Variants in UNC45B observed in about 807,000 individuals in gnomAD.
UNC45B encodes unc-45 myosin chaperone B.
Under a neutral mutation model 98.7 loss-of-function variants are expected in UNC45B, and 78 were observed. The observed-to-expected ratio is 0.79, with a 90% CI of 0.66 to 0.95. The LOEUF is 0.95. Ranked by LOEUF, UNC45B falls within the 40% of genes least tolerant of loss-of-function variation. The pLI is 0.00. For missense variants in UNC45B, 1,225 were observed against 1,184.9 expected, an observed-to-expected ratio of 1.03 and a Z score of -0.50; for synonymous variants, 462 against 480.4, an observed-to-expected ratio of 0.96 and a Z score of 0.50.
Position 35,177,485 on chromosome 17 carries a change from TC to T in UNC45B, c.2140-6del, listed in dbSNP as rs1279074498. On this transcript the variant is annotated splice_polypyrimidine_tract_variant and intron_variant, in intron 16 of 19. Coordinates refer to ENST00000394570, the MANE Select transcript of UNC45B (RefSeq NM_001267052.2). Reference sequence around the variant, plus strand: ...CTCACCTGACCAAACCCTTGACCCCTCCCCAACAGGTGTATGAGGTGGTGCG... The same window carrying T: ...CTCACCTGACCAAACCCTTGACCCCTCCCAACAGGTGTATGAGGTGGTGCG... The T allele has an allele frequency of 6.4e-7, 1 of 1,552,694 alleles. No homozygotes were observed. The highest frequency in any genetic ancestry group is 8.7e-7 in the Non-Finnish European group (1 of 1,146,816).
At position 35,170,116 on chromosome 17, in the gene UNC45B, G is replaced by A. The variant is rs1199023259; in HGVS notation, c.1550G>A (p.Trp517Ter). The change falls in exon 12 of 20, where the codon TGG becomes TAG. Residue 517 changes from tryptophan to a stop codon, truncating the protein, a stop_gained and splice_region_variant. Coordinates refer to ENST00000394570, the MANE Select transcript of UNC45B (RefSeq NM_001267052.2). LOFTEE classifies it high-confidence loss of function. ...TEKLAKQCRK[W>*]LCNMSIDTRT... Reference sequence around the variant, plus strand: ...GTGTGCTCCCTCCTCACTTCCAGGTGGCTGTGCAATATGTCCATAGACACT... The same window carrying A: ...GTGTGCTCCCTCCTCACTTCCAGGTAGCTGTGCAATATGTCCATAGACACT... The A allele has an allele frequency of 6.2e-7, 1 of 1,608,460 alleles. No individual in the cohort carries two copies. The highest frequency in any genetic ancestry group is 8.5e-7 in the Non-Finnish European group (1 of 1,175,896).
rs2142522392 is a variant in UNC45B, at chr17:35,148,343, A to G, written c.80A>G (p.Asn27Ser). 1.2e-6 allele frequency: 2 copies of G among 1,614,118 alleles called. No individual in the cohort carries two copies. Among genetic ancestry groups the G allele is most frequent in the South Asian group, 2.2e-5 (2 of 91,088 alleles). ...CTCCAGGACTACAAGGCCGCCACAAATAGCTACAGCCAGGCCCTGAAGCTG... is the reference window on the plus strand; with the variant it reads ...CTCCAGGACTACAAGGCCGCCACAAGTAGCTACAGCCAGGCCCTGAAGCTG... ...FQLQDYKAAT[N>S]SYSQALKLTK... Residue 27 changes from asparagine to serine, a missense_variant, in exon 2 of 20, where the codon AAT (asparagine) becomes AGT (serine). Physicochemically the swap from Asn to Ser is conservative, Grantham distance 46 (BLOSUM62 1). Coordinates refer to ENST00000394570, the MANE Select transcript of UNC45B (RefSeq NM_001267052.2).
chr17:35,154,677 AG>A lies in UNC45B; in HGVS notation c.576del (p.Lys192AsnfsTer25). ...ALLLQLLDTK[K>X]PELVLAAVRT... The stretch of plus-strand genomic sequence containing the variant: ...CTACTGCAGCTTCTGGACACTAAGA[AG>A]CCTGAGCTGGTGCTGGCTGCAGTGC... On this transcript the variant is annotated frameshift_variant, in exon 6 of 20. Coordinates refer to ENST00000394570, the MANE Select transcript of UNC45B (RefSeq NM_001267052.2). LOFTEE classifies it high-confidence loss of function. 13 of 1,612,506 alleles carry A rather than the reference AG, an allele frequency of 8.1e-6. No individual in the cohort carries two copies. Among genetic ancestry groups the A allele is most frequent in the Non-Finnish European group, 1.1e-5 (13 of 1,179,648 alleles).
At chr17:35,155,063 C>T (rs546551180) in intron 6 of UNC45B, among the ~76,000 whole-genome samples, 1 of 152,356 alleles carries the variant, frequency 6.6e-6, no homozygotes, top group South Asian at 2.1e-4. Flanking sequence ...CTCAACGGCC[C>T]CATGTGGCCG....
chr17:35,152,981 A>G lies in UNC45B; in HGVS notation c.470A>G (p.Lys157Arg). The stretch of plus-strand genomic sequence containing the variant: ...AACAGTGAGGCTGATAAGCGGGAAA[A>G]GGTGAGTGCTGGCCAGTGCCATCCA... The part of the protein sequence containing the change: ...DENSEADKRE[K>R]AANNLIVLGR... The change falls in exon 5 of 20, where the codon AAG becomes AGG. Residue 157 changes from lysine to arginine, a missense_variant and splice_region_variant. Transcript: ENST00000394570. 1 of 1,611,702 alleles carries G rather than the reference A, an allele frequency of 6.2e-7. No homozygotes were observed. Among genetic ancestry groups the G allele is most frequent in the Non-Finnish European group, 8.5e-7 (1 of 1,178,898 alleles).
Position 35,177,047 on chromosome 17 carries a change from G to T in UNC45B, c.2056G>T (p.Asp686Tyr), listed in dbSNP as rs2092239125. The change falls in exon 16 of 20, where the codon GAT (aspartate) becomes TAT (tyrosine). Residue 686 changes from aspartate (D) to tyrosine (Y), a missense_variant. Coordinates refer to ENST00000394570, the MANE Select transcript of UNC45B (RefSeq NM_001267052.2). ...GATTCCCCTGGCTTTGGAGGGCACA[G>T]ATGTGGGCAAGGTGAAGGCAGCCCA... ...ALIPLALEGT[D>Y]VGKVKAAHAL... 6.2e-7 allele frequency: 1 copy of T among 1,614,096 alleles called. No homozygotes were observed. Among genetic ancestry groups the T allele is most frequent in the African/African-American group, 1.3e-5 (1 of 74,930 alleles).
rs545980321 is a variant in UNC45B at position 35,182,494 on chromosome 17, G to A, written c.2374-933G>A. On this transcript the variant is annotated intron_variant, in intron 18 of 19. Coordinates refer to ENST00000394570, the MANE Select transcript of UNC45B (RefSeq NM_001267052.2). ...AGTGGATTCCATTCTGATGGTGAAT[G>A]GGGAGACAGACTGAGGGAGAGGTGC... Among the ~76,000 whole-genome samples the A allele has an allele frequency of 5.3e-5, 8 of 152,260 alleles. No individual in the cohort carries two copies. In the East Asian group the frequency reaches 1.5e-3, roughly 29 times the overall value.
At chr17:35,177,824 C>CCTTTT (rs886653781) in intron 17 of UNC45B, among the ~76,000 whole-genome samples, 1 of 150,696 alleles carries the variant, frequency 6.6e-6, no homozygotes, top group Non-Finnish European at 1.5e-5. Flanking sequence ...TTTTTTCTTT[C>CCTTTT]CTTTTCTTTT....
At chr17:35,149,090 G>A in intron 3 of UNC45B, 81 bp downstream of exon 3, 1 of 1,535,590 alleles carries the variant, frequency 6.5e-7, no homozygotes, top group Admixed American at 1.7e-5. Flanking sequence ...ACCATTTTGG[G>A]GGAAGAAACA....
chr17:35,171,481 C>A lies in UNC45B; in HGVS notation c.1830+19C>A, dbSNP rs747117947. The A allele has an allele frequency of 1.2e-6, 2 of 1,612,530 alleles. No homozygotes were observed. The highest frequency in any genetic ancestry group is 8.5e-7 in the Non-Finnish European group (1 of 1,179,218). On this transcript the variant is annotated intron_variant, in intron 13 of 19. Coordinates refer to ENST00000394570, the MANE Select transcript of UNC45B (RefSeq NM_001267052.2). ...CCCCAAGGTAGGGTCAGGCGCGACC[C>A]GGGAGGGGTCTGGTCTGTGCCACTA...
chr17:35,179,736 C>T (rs566807764), intron 17 of UNC45B, among the ~76,000 whole-genome samples: 1 of 151,964 alleles, frequency 6.6e-6, no homozygotes, highest in South Asian at 2.1e-4. Context: ...GAACATCACA[C>T]ACCGGGGCCT....
chr17:35,183,911 G>A (rs1044359534), intron 19 of UNC45B, among the ~76,000 whole-genome samples: 3 of 152,112 alleles, frequency 2.0e-5, no homozygotes, highest in Admixed American at 2.0e-4. Context: ...GAGAAGCACG[G>A]ATGTGGTTGG....
At position 35,161,938 on chromosome 17, in the gene UNC45B, T is replaced by G. The variant is rs1384814071; in HGVS notation, c.980-2057T>G. Among the ~76,000 whole-genome samples the G allele has an allele frequency of 2.0e-5, 3 of 152,188 alleles. No homozygotes were observed. The East Asian group carries it at 5.8e-4, about 29-fold the overall frequency. ...AAAAAAATCCCTAGCCAAAGGGGCT[T>G]AAAGTGCTCCCAATTTGGTGAACAC... On this transcript the variant is annotated intron_variant, in intron 8 of 19. Coordinates refer to ENST00000394570, the MANE Select transcript of UNC45B (RefSeq NM_001267052.2).
At chr17:35,174,451 G>A in intron 14 of UNC45B, 82 bp downstream of exon 14, 2 of 1,570,438 alleles carry the variant, frequency 1.3e-6, no homozygotes, top group South Asian at 1.1e-5. Context: ...CAGGGAGATA[G>A]AAATGGTGGG....
intron 5 of UNC45B, 30 bp from the exon 6 acceptor site, chr17:35,154,544 C>G: frequency 6.2e-7 from 1 of 1,606,026 alleles, no homozygotes; most frequent in Non-Finnish European, 8.5e-7. Flanking sequence ...GTACCTCCCT[C>G]GTAACCCTTA....
chr17:35,175,533 C>G (rs553453489), intron 14 of UNC45B, among the ~76,000 whole-genome samples: 1 of 152,286 alleles, frequency 6.6e-6, no homozygotes, highest in South Asian at 2.1e-4. Context: ...AGAATAGCAT[C>G]TGCAAAGACA....
Position 35,186,664 on chromosome 17 carries a change from A to G in UNC45B, c.*105A>G. ...GTCATCTAGGGATCATAGCAGTGAC[A>G]ATGAAGTCTCAATATAAAGGAAAGA... On this transcript the variant is annotated 3_prime_UTR_variant, in exon 20 of 20. Transcript: ENST00000394570. 1 of 1,315,004 alleles carries G rather than the reference A, an allele frequency of 7.6e-7. No homozygotes were observed. The highest frequency in any genetic ancestry group is 1.4e-5 in the South Asian group (1 of 69,884). 81.5% of individuals were successfully genotyped at this position (1,315,004 alleles called of 1,614,324 possible).
In UNC45B at chr17:35,154,595, C is replaced by G. The variant is rs140395946; in HGVS notation, c.493C>G (p.Leu165Val). The change falls in exon 6 of 20, where the codon CTA (leucine) becomes GTA (valine). Residue 165 changes from leucine (L) to valine (V), a missense_variant. Physicochemically the swap from Leu to Val is conservative, Grantham distance 32. Transcript: ENST00000394570. ...TCAGGCTGCCAACAATCTCATTGTC[C>G]TAGGCCGTGAGGAAGCAGGGGCTGA... ...REKAANNLIV[L>V]GREEAGAEKI... The G allele has an allele frequency of 5.8e-5, 93 of 1,613,538 alleles. No individual in the cohort carries two copies. The highest frequency in any genetic ancestry group is 4.8e-4 in the Admixed American group (29 of 59,866).
rs535222729 is a variant in UNC45B, at chr17:35,183,057, C to T, written c.2374-370C>T. On this transcript the variant is annotated intron_variant, in intron 18 of 19. Coordinates refer to ENST00000394570, the MANE Select transcript of UNC45B (RefSeq NM_001267052.2). ...CCTGCAAAATCATTTTATGGAAGAC[C>T]CTGAAGGCCCATCCATTATGGGAGA... Among the ~76,000 whole-genome samples the T allele has an allele frequency of 4.0e-5, 6 of 151,562 alleles. No individual in the cohort carries two copies. The East Asian group carries it at 7.7e-4, about 20-fold the overall frequency.
Sources: gnomAD v4.1 joint callset for allele counts (sites outside exome capture counted in the v4.1 genomes callset) on GRCh38, gnomAD v4.1.1 for gene constraint, MANE v1.5 for transcripts, NCBI Gene and HGNC (gene_info 2026-07-23, HGNC 2026-07-21) for gene names.